The following DAB1 variants were observed in gnomAD, a reference collection of about 807,000 sequenced individuals.
DAB1 encodes the protein disabled homolog 1.
In DAB1, 15 loss-of-function variants were observed where a neutral mutation model predicts 64.6. That is an observed-to-expected ratio of 0.23 (90% CI 0.16 to 0.36). The LOEUF (loss-of-function observed/expected upper bound fraction) is 0.36, where lower values mean the gene tolerates loss of function less well. Among genes scored for constraint, DAB1 ranks in the 10% least tolerant of loss-of-function variants. The probability of loss-of-function intolerance (pLI) is 1.00; values close to 1 mark genes in which losing one functional copy is unlikely to be tolerated. For synonymous variants in DAB1, 235 were observed against 251.9 expected (o/e 0.93, Z 0.64); for missense variants, 596 against 706.7 (o/e 0.84, Z 1.78).
chr1:58,488,419 C>T (rs1331086265), intron 3 of DAB1, among the ~76,000 whole-genome samples: 4 of 152,072 alleles, frequency 2.6e-5, no homozygotes, highest in Non-Finnish European at 5.9e-5. Flanking sequence ...TTCTGGTACA[C>T]CCATCACTCA....
chr1:57,721,721 C>T (rs184402687), intron 6 of DAB1, among the ~76,000 whole-genome samples: 1 of 152,220 alleles, frequency 6.6e-6, no homozygotes, highest in East Asian at 1.9e-4. Flanking sequence ...TAGCTGGTCA[C>T]CTGCAGCAGA....
chr1:57,333,189 T>C (rs1161475360), intron 1 of DAB1, among the ~76,000 whole-genome samples: 1 of 152,318 alleles, frequency 6.6e-6, no homozygotes, highest in South Asian at 2.1e-4. Flanking sequence ...AATGTAAGCC[T>C]CTTAGAGGCA....
At chr1:57,104,625 G>C (rs1326978443) in intron 4 of DAB1, among the ~76,000 whole-genome samples, 1 of 152,176 alleles carries the variant, frequency 6.6e-6, no homozygotes, top group Non-Finnish European at 1.5e-5. Flanking sequence ...GAGGAGAACT[G>C]AGTGAACGTG....
At chr1:57,036,054 G>C (rs1448027525) in intron 9 of DAB1, among the ~76,000 whole-genome samples, 1 of 151,780 alleles carries the variant, frequency 6.6e-6, no homozygotes, top group African/African-American at 2.4e-5. Context: ...GTTTGGCCAG[G>C]CTGGTCTTGA....
intron 1 of DAB1, among the ~76,000 whole-genome samples, chr1:57,332,570 T>C (rs1676760684): frequency 6.6e-6 from 1 of 152,240 alleles, no homozygotes. Flanking sequence ...AAGGTTCAGC[T>C]TCCTTTCTTC....
chr1:58,220,103 A>G (rs1258302946), intron 4 of DAB1, among the ~76,000 whole-genome samples: 1 of 152,226 alleles, frequency 6.6e-6, no homozygotes, highest in African/African-American at 2.4e-5. Context: ...TGTTCCCTGA[A>G]AAAAGAAGCT....
chr1:57,692,662 AC>A (rs1646778207), intron 6 of DAB1, among the ~76,000 whole-genome samples: 1 of 152,150 alleles, frequency 6.6e-6, no homozygotes, highest in South Asian at 2.1e-4. Flanking sequence ...TGAACTTTCA[AC>A]CTATATCTGC....
Position 57,608,394 on chromosome 1 carries a change from AAG to A in DAB1, n.625+41196_625+41197del, listed in dbSNP as rs565399713. ...CAACATGCTGTGAAGATATTAAAAA[AAG>A]AGAGAGAGAGAGAGAGAAATGCATT... On this transcript the variant is annotated intron_variant and non_coding_transcript_variant, in intron 7 of 20. Transcript: ENST00000485760. Among the ~76,000 whole-genome samples, 32 of 150,662 alleles carry A rather than the reference AAG, an allele frequency of 2.1e-4. No individual in the cohort carries two copies. The East Asian group carries it at 3.3e-3, about 16-fold the overall frequency.
At chr1:58,245,672 T>C (rs1660495316) in intron 4 of DAB1, among the ~76,000 whole-genome samples, 1 of 152,166 alleles carries the variant, frequency 6.6e-6, no homozygotes, top group South Asian at 2.1e-4. Flanking sequence ...CGTAACCTCT[T>C]GGAGCCTAGC....
At chr1:58,289,339 A>G (rs1170188206) in intron 4 of DAB1, among the ~76,000 whole-genome samples, 1 of 152,204 alleles carries the variant, frequency 6.6e-6, no homozygotes, top group African/African-American at 2.4e-5. Flanking sequence ...ACAAAAGGCT[A>G]AGAGAGGTGA....
chr1:58,288,041 A>AAAAAAAAAAAAAAAAAG, intron 4 of DAB1, among the ~76,000 whole-genome samples: 1 of 145,832 alleles, frequency 6.9e-6, no homozygotes, highest in Admixed American at 7.1e-5. Context: ...AAAAAAAAAA[A>AAAAAAAAAAAAAAAAAG]AAAAGAAAAA....
At chr1:58,093,097 G>C (rs1284596450) in intron 5 of DAB1, among the ~76,000 whole-genome samples, 3 of 152,074 alleles carry the variant, frequency 2.0e-5, no homozygotes, top group Non-Finnish European at 4.4e-5. Flanking sequence ...CATTTTGCTG[G>C]GAGCGCCAGA....
At chr1:57,284,487 T>C (rs912201432) in intron 2 of DAB1, among the ~76,000 whole-genome samples, 3 of 152,186 alleles carry the variant, frequency 2.0e-5, no homozygotes, top group Non-Finnish European at 4.4e-5. Flanking sequence ...TACATCCATT[T>C]GGTGGCTGAG....
intron 2 of DAB1, among the ~76,000 whole-genome samples, chr1:58,507,193 A>G (rs1646002497): frequency 6.6e-6 from 1 of 151,892 alleles, no homozygotes; most frequent in African/African-American, 2.4e-5. Context: ...ATTTATTCAC[A>G]TTTCTTAACT....
At chr1:57,772,531 G>C (rs1308553304) in intron 6 of DAB1, among the ~76,000 whole-genome samples, 1 of 152,068 alleles carries the variant, frequency 6.6e-6, no homozygotes, top group Admixed American at 6.6e-5. Flanking sequence ...TTTCTTTCAA[G>C]TAAGCATCTA....
intron 7 of DAB1, among the ~76,000 whole-genome samples, chr1:57,640,580 T>A (rs1486407366): frequency 6.6e-6 from 1 of 152,140 alleles, no homozygotes; most frequent in Non-Finnish European, 1.5e-5. Context: ...TCAAAAAGCT[T>A]ATTGCACTCC....
intron 6 of DAB1, among the ~76,000 whole-genome samples, chr1:57,744,157 C>T (rs1648147451): frequency 6.6e-6 from 1 of 152,170 alleles, no homozygotes; most frequent in Admixed American, 6.5e-5. Context: ...GGGGGGCTTG[C>T]TCCCAACATG....
intron 5 of DAB1, among the ~76,000 whole-genome samples, chr1:58,082,327 T>C (rs1215434299): frequency 6.6e-6 from 1 of 152,032 alleles, no homozygotes; most frequent in South Asian, 2.1e-4. Context: ...AGATCATCTA[T>C]ACCTAGTCTT....
At chr1:57,596,489 A>G (rs2101578579) in intron 7 of DAB1, among the ~76,000 whole-genome samples, 1 of 142,394 alleles carries the variant, frequency 7.0e-6, no homozygotes, top group African/African-American at 2.6e-5. Context: ...GCATCCATTT[A>G]TGGATTTTTT....
Sources: allele counts gnomAD v4.1 joint callset (sites outside exome capture counted in the v4.1 genomes callset), GRCh38; gene constraint gnomAD v4.1.1; transcripts MANE v1.5; gene names NCBI Gene and HGNC (gene_info 2026-07-23, HGNC 2026-07-21).